Variants in KLK8 observed in about 807,000 individuals in gnomAD.
KLK8 encodes the protein kallikrein related peptidase 8.
KLK8 carries 18 observed loss-of-function variants against 26.7 expected under a neutral mutation model. The observed-to-expected ratio is 0.67, with a 90% confidence interval of 0.47 to 1.00. The LOEUF (loss-of-function observed/expected upper bound fraction) is 1.00, where lower values mean the gene tolerates loss of function less well. Ranked by LOEUF, KLK8 falls within the 50% of genes least tolerant of loss-of-function variation. KLK8 has a pLI of 0.00. For missense variants in KLK8, 301 were observed against 331.7 expected (o/e 0.91, Z 0.72); for synonymous variants, 137 against 127.1 (o/e 1.08, Z -0.52).
intron 3 of KLK8, chr19:51,000,817 C>T (rs751688288): frequency 2.4e-6 from 3 of 1,247,274 alleles, no homozygotes; most frequent in Non-Finnish European, 3.3e-6. Flanking sequence ...CTACAGGCCC[C>T]GAGTACTCCC....
At chr19:51,001,592 A>T (rs557978939) in exon 2 of KLK8, 1 of 170,788 alleles carries the variant, frequency 5.9e-6, no homozygotes, top group Non-Finnish European at 1.2e-5. Context: ...AGGCCCCAGT[A>T]CTTCAGTTCT....
At chr19:51,001,144 C>T (rs759347568) in exon 3 of KLK8, 4 of 1,613,438 alleles carry the variant, frequency 2.5e-6, no homozygotes, top group Admixed American at 1.7e-5. Context: ...ACGTCTTGGC[C>T]GCACGAGGTC....
chr19:50,996,731 CAAAAA>C (rs113362363), intron 6 of KLK8, among the ~76,000 whole-genome samples: 3 of 96,952 alleles, frequency 3.1e-5, no homozygotes, highest in African/African-American at 1.2e-4. Flanking sequence ...GACCCTGTCT[CAAAAA>C]AAAAAAAAAA....
At chr19:50,998,018 G>T in intron 5 of KLK8, 134 bp from the exon 5 acceptor site, 1 of 1,026,804 alleles carries the variant, frequency 9.7e-7, no homozygotes, top group Non-Finnish European at 1.4e-6. Context: ...TTCTGACACT[G>T]TGCACAGGGG....
In KLK8 at chr19:50,998,001, G is replaced by C. The variant is rs1296448509; in HGVS notation, c.494-117C>G. ...ATGGGGGAGTTTTCCAGCTGCATGG[G>C]GGAATTTTCTGACACTGTGCACAGG... On this transcript the variant is annotated intron_variant, in intron 5 of 6. Transcript: ENST00000600767. The C allele has an allele frequency of 1.2e-5, 16 of 1,313,972 alleles. No homozygotes were observed. In the African/African-American group the frequency reaches 2.3e-4, roughly 19 times the overall value. 81.4% of individuals were successfully genotyped at this position (1,313,972 alleles called of 1,614,324 possible).
intron 5 of KLK8, chr19:50,999,138 A>T (rs1407559131): frequency 1.3e-5 from 2 of 152,222 alleles, no homozygotes; most frequent in African/African-American, 4.8e-5. Context: ...TGGATTCTGG[A>T]GTCCCAAAGG....
intron 3 of KLK8, 91 bp downstream of exon 2, chr19:51,001,007 C>G (rs2091219458): frequency 8.2e-7 from 1 of 1,220,486 alleles, no homozygotes; most frequent in South Asian, 1.3e-5. Flanking sequence ...CACACGCACC[C>G]ACATAACCCC....
At position 51,001,178 on chromosome 19, in the gene KLK8, G is replaced by A. The variant is rs770192709; in HGVS notation, c.-8-3C>T. On this transcript the variant is annotated splice_region_variant and splice_polypyrimidine_tract_variant and intron_variant, in intron 2 of 6. Transcript: ENST00000600767. Reference sequence around the variant, plus strand: ...TCGGGGGCGTCCCATGGTGAGGTCTGGGAAATGGAGAGGGCGGGGCCGGTA... The same window carrying A: ...TCGGGGGCGTCCCATGGTGAGGTCTAGGAAATGGAGAGGGCGGGGCCGGTA... The A allele has an allele frequency of 1.7e-5, 27 of 1,611,610 alleles. No individual in the cohort carries two copies. The highest frequency in any genetic ancestry group is 8.5e-7 in the Non-Finnish European group (1 of 1,179,236).
intron 4 of KLK8, 52 bp from the exon 4 acceptor site, chr19:51,000,310 C>T (rs770802814): frequency 9.1e-6 from 14 of 1,544,704 alleles, no homozygotes; most frequent in Middle Eastern, 3.5e-4. Context: ...GCCCCCAGCC[C>T]CCTCCTCCTT....
chr19:50,996,310 G>C (rs1600120220), intron 6 of KLK8, 96 bp from the exon 6 acceptor site: 2 of 1,386,610 alleles, frequency 1.4e-6, no homozygotes, highest in East Asian at 2.3e-5. Flanking sequence ...TGGCATGATT[G>C]GTCCCCTGTA....
At chr19:50,997,868 A>G (rs1454256913) in exon 6 of KLK8, 13 of 1,613,946 alleles carry the variant, frequency 8.1e-6, no homozygotes, top group South Asian at 1.1e-5. Context: ...CACAGTTGAG[A>G]GTGTCAGGAA....
intron 3 of KLK8, 61 bp downstream of exon 2, chr19:51,001,037 C>T (rs762754264): frequency 1.4e-6 from 2 of 1,474,664 alleles, no homozygotes; most frequent in Admixed American, 3.8e-5. Flanking sequence ...CCCACAGACT[C>T]CCCAGCGCCA....
rs1962848333 is a variant in KLK8 at position 50,996,272 on chromosome 19, C to T, written c.628-58G>A. 3.2e-6 allele frequency: 5 copies of T among 1,578,156 alleles called. No homozygotes were observed. In the African/African-American group the frequency reaches 5.4e-5, roughly 17 times the overall value. ...TGAGATGTCCACAACGTCCCTTTTC[C>T]TGCTGTCCCAGCGTTTTACCAGTTC... On this transcript the variant is annotated intron_variant, in intron 6 of 6. Transcript: ENST00000600767.
At chr19:50,996,201 C>A in exon 7 of KLK8, 1 of 1,613,962 alleles carries the variant, frequency 6.2e-7, no homozygotes, top group Non-Finnish European at 8.5e-7. Context: ...CACCAGGGGG[C>A]CTCCAGAATC....
At chr19:50,999,872 C>G (rs1167029645) in intron 5 of KLK8, 124 bp downstream of exon 4, 2 of 1,043,984 alleles carry the variant, frequency 1.9e-6, no homozygotes. Context: ...GCTTGTGAAT[C>G]TCAACATCAT....
At position 51,000,262 on chromosome 19, in the gene KLK8, T is replaced by C. The variant is rs748361951; in HGVS notation, c.231-4A>G. 29 of 1,575,590 alleles carry C rather than the reference T, an allele frequency of 1.8e-5. No homozygotes were observed. The highest frequency in any genetic ancestry group is 2.2e-5 in the Non-Finnish European group (25 of 1,155,456). On this transcript the variant is annotated splice_region_variant and splice_polypyrimidine_tract_variant and intron_variant, in intron 4 of 6. Coordinates refer to ENST00000600767, the Ensembl canonical transcript of KLK8. ...TCCCAGGCGTACTGTGTATTTCCTG[T>C]AATGGTGGGGATAGTTTGGGACCCA...
intron 5 of KLK8, among the ~76,000 whole-genome samples, chr19:50,999,590 A>AAAAAAAAAAAAAAAAAAG (rs2091201061): frequency 1.0e-5 from 1 of 95,528 alleles, no homozygotes; most frequent in African/African-American, 6.1e-5. Context: ...CTGCAAAAAA[A>AAAAAAAAAAAAAAAAAAG]AAAAAAAAAA....
exon 5 of KLK8, chr19:51,000,025 G>A: frequency 6.2e-7 from 1 of 1,607,282 alleles, no homozygotes; most frequent in Non-Finnish European, 8.5e-7. Context: ...GCCCCAGCCT[G>A]AGACGGTGCA....
At chr19:50,999,202 G>T (rs77012493) in intron 5 of KLK8, 5,882 of 152,192 alleles carry the variant, frequency 0.039, 214 homozygotes, top group African/African-American at 0.093. Context: ...AGGGAGCTAG[G>T]ACTGCTGGGT....
Sources: gnomAD v4.1 joint callset for allele counts (sites outside exome capture counted in the v4.1 genomes callset) on GRCh38, gnomAD v4.1.1 for gene constraint, MANE v1.5 for transcripts, NCBI Gene and HGNC (gene_info 2026-07-23, HGNC 2026-07-21) for gene names.